The following INCENP variants were observed in gnomAD, a reference collection of about 807,000 sequenced individuals.
INCENP encodes binds and activates aurora-B and -C in vivo and in vitro.
INCENP carries 43 observed loss-of-function variants against 107.3 expected under a neutral mutation model. The ratio of observed to expected loss-of-function variants is 0.40; its 90% CI spans 0.31 to 0.52. The LOEUF (loss-of-function observed/expected upper bound fraction) is 0.52, where lower values mean the gene tolerates loss of function less well. Ranked by LOEUF, INCENP falls within the 20% of genes least tolerant of loss-of-function variation. The probability of loss-of-function intolerance (pLI) is 0.53; values close to 1 mark genes in which losing one functional copy is unlikely to be tolerated. For missense variants in INCENP, 1,089 were observed against 1,250.9 expected, an observed-to-expected ratio of 0.87 and a Z score of 1.95; for synonymous variants, 488 against 494.4, an observed-to-expected ratio of 0.99 and a Z score of 0.17.
chr11:62,131,189 G>A lies in INCENP; in HGVS notation c.1063+599G>A, dbSNP rs141794698. ...AACCAAGCTGACTCTGGAGCTGGCCGGCCTGGGTCTGAGTGCCAACTCAGC... is the reference window on the plus strand; with the variant it reads ...AACCAAGCTGACTCTGGAGCTGGCCAGCCTGGGTCTGAGTGCCAACTCAGC... On this transcript the variant is annotated intron_variant, in intron 4 of 18. Coordinates refer to ENST00000394818, the MANE Select transcript of INCENP (RefSeq NM_001040694.2). Among the ~76,000 whole-genome samples, 1,357 of 152,274 alleles carry A rather than the reference G, an allele frequency of 8.9e-3. 30 individuals are homozygous for A. The highest frequency in any genetic ancestry group is 0.031 in the African/African-American group (1,270 of 41,538).
At chr11:62,134,216 C>T (rs1943945107) in intron 4 of INCENP, among the ~76,000 whole-genome samples, 1 of 152,140 alleles carries the variant, frequency 6.6e-6, no homozygotes, top group African/African-American at 2.4e-5. Context: ...AAGCTTTTGA[C>T]AGCCTGGACA....
Position 62,124,054 on chromosome 11 carries a change from C to G in INCENP, c.-121C>G, listed in dbSNP as rs1050859449. 4 of 152,262 alleles carry G rather than the reference C, an allele frequency of 2.6e-5. No individual in the cohort carries two copies. Among genetic ancestry groups the G allele is most frequent in the African/African-American group, 9.6e-5 (4 of 41,462 alleles). The allele number at this position is 152,262 out of a possible 1,614,324, so 9.4% of individuals were successfully genotyped here. The stretch of plus-strand genomic sequence containing the variant: ...GCGCCGCCTGGTTGCTCCTCCCGTG[C>G]GGTGAGTCCCGAAGGCCCGGAGCCA... On this transcript the variant is annotated 5_prime_UTR_variant, in exon 1 of 19. Transcript: ENST00000394818.
chr11:62,149,310 T>G (rs905659652), intron 17 of INCENP, among the ~76,000 whole-genome samples: 1 of 152,254 alleles, frequency 6.6e-6, no homozygotes, highest in South Asian at 2.1e-4. Flanking sequence ...TCAACACAGG[T>G]CAATTTCTTA....
chr11:62,124,254 G>T (rs1036640019), intron 1 of INCENP, 91 bp downstream of exon 1: 3 of 152,260 alleles, frequency 2.0e-5, no homozygotes, highest in African/African-American at 2.4e-5. Context: ...GACCAGGGTC[G>T]TGACTCCCCA....
Position 62,148,858 on chromosome 11 carries a change from G to A in INCENP, c.2391+12G>A. The A allele has an allele frequency of 1.3e-6, 2 of 1,577,826 alleles. No individual in the cohort carries two copies. Among genetic ancestry groups the A allele is most frequent in the Non-Finnish European group, 1.7e-6 (2 of 1,155,334 alleles). ...CTGTGGACGTGCAGGTGCCACCTGGGCCCCAGTGGAGAGGCTCTCAGGTGG... is the reference window on the plus strand; with the variant it reads ...CTGTGGACGTGCAGGTGCCACCTGGACCCCAGTGGAGAGGCTCTCAGGTGG... On this transcript the variant is annotated intron_variant, in intron 17 of 18. Coordinates refer to ENST00000394818, the MANE Select transcript of INCENP (RefSeq NM_001040694.2).
intron 4 of INCENP, among the ~76,000 whole-genome samples, chr11:62,134,105 C>G (rs570671277): frequency 6.6e-6 from 1 of 152,240 alleles, no homozygotes; most frequent in African/African-American, 2.4e-5. Context: ...AGGAAGAAGC[C>G]GGGGACATAA....
Position 62,152,600 on chromosome 11 carries a change from G to GT in INCENP, c.*627dup, listed in dbSNP as rs1388603661. On this transcript the variant is annotated 3_prime_UTR_variant, in exon 19 of 19. Transcript: ENST00000394818. The stretch of plus-strand genomic sequence containing the variant: ...GGGTGCTCCCTGTTTGTAAAGGGGA[G>GT]TTTGTTCATTGGGAAAGACCTGGGT... 2.6e-5 allele frequency: 4 copies of GT among 152,998 alleles called. No individual in the cohort carries two copies. The highest frequency in any genetic ancestry group is 9.7e-5 in the African/African-American group (4 of 41,448). 9.5% of individuals were successfully genotyped at this position (152,998 alleles called of 1,614,324 possible). A position where few individuals can be genotyped will look rare whatever the true frequency, so the allele number is the denominator to read the frequency against.
intron 11 of INCENP, among the ~76,000 whole-genome samples, chr11:62,142,829 G>T (rs1944152971): frequency 1.3e-5 from 2 of 152,222 alleles, no homozygotes; most frequent in South Asian, 2.1e-4. Flanking sequence ...AGCCTTCGGT[G>T]TGGTAATTAG....
At chr11:62,126,203 T>TTTTTG (rs761912551) in intron 1 of INCENP, among the ~76,000 whole-genome samples, 8 of 47,266 alleles carry the variant, frequency 1.7e-4, no homozygotes, top group Non-Finnish European at 3.9e-4. Context: ...GTGCATGGTT[T>TTTTTG]TTTTTTTTTT....
chr11:62,140,580 G>A, intron 8 of INCENP, 124 bp from the exon 9 acceptor site: 3 of 824,282 alleles, frequency 3.6e-6, no homozygotes, highest in South Asian at 3.3e-5. Flanking sequence ...CTTAGGCTCT[G>A]CAGCCTCTTT....
At chr11:62,133,275 G>A (rs1378066880) in intron 4 of INCENP, among the ~76,000 whole-genome samples, 1 of 152,166 alleles carries the variant, frequency 6.6e-6, no homozygotes, top group Non-Finnish European at 1.5e-5. Flanking sequence ...TTCGGGATGG[G>A]AAGGAAACAC....
In INCENP at chr11:62,148,677, G is replaced by A. The variant is rs980236267; in HGVS notation, c.2284-62G>A. 14 of 1,436,646 alleles carry A rather than the reference G, an allele frequency of 9.7e-6. No homozygotes were observed. In the African/African-American group the frequency reaches 1.5e-4, roughly 16 times the overall value. 89.0% of individuals were successfully genotyped at this position (1,436,646 alleles called of 1,614,324 possible). On this transcript the variant is annotated intron_variant, in intron 16 of 18. Coordinates refer to ENST00000394818, the MANE Select transcript of INCENP (RefSeq NM_001040694.2). ...AGGGAGGAGAATGGAGCGGAGGGAA[G>A]GGGAGGGGAGGGAAGGGCACCTGCA... is the stretch of plus-strand genomic sequence containing the variant.
At chr11:62,131,059 G>A (rs193177933) in intron 4 of INCENP, among the ~76,000 whole-genome samples, 26 of 152,292 alleles carry the variant, frequency 1.7e-4, no homozygotes, top group African/African-American at 4.3e-4. Context: ...GGGTTTGCGC[G>A]CCGCCTATTG....
chr11:62,145,412 G>A, intron 13 of INCENP, 123 bp downstream of exon 13: 1 of 1,437,486 alleles, frequency 7.0e-7, no homozygotes, highest in Non-Finnish European at 9.5e-7. Flanking sequence ...TCTGCCCCAT[G>A]GGCCCTGGAG....
intron 17 of INCENP, among the ~76,000 whole-genome samples, chr11:62,149,507 C>T (rs912862268): frequency 6.6e-6 from 1 of 152,164 alleles, no homozygotes; most frequent in Non-Finnish European, 1.5e-5. Flanking sequence ...GTTGCAAATC[C>T]TGGAGTCTCC....
intron 1 of INCENP, among the ~76,000 whole-genome samples, chr11:62,125,172 C>A (rs897795046): frequency 2.6e-5 from 4 of 152,182 alleles, no homozygotes; most frequent in South Asian, 2.1e-4. Context: ...CTTCCAGGAG[C>A]CTGATTCTTG....
rs533158853 is a variant in INCENP at position 62,145,029 on chromosome 11, C to T, written c.1653C>T (p.Ala551=). The T allele has an allele frequency of 1.2e-5, 19 of 1,609,340 alleles. No homozygotes were observed. The highest frequency in any genetic ancestry group is 8.0e-5 in the African/African-American group (6 of 74,570). Residue 551 remains alanine (A), a synonymous_variant, in exon 12 of 19, where the codon GCC becomes GCT. Coordinates refer to ENST00000394818, the MANE Select transcript of INCENP (RefSeq NM_001040694.2). ...RLENLRRKEE[A]EQLRRQKVEE... The stretch of plus-strand genomic sequence containing the variant: ...AGAATCTGCGGCGGAAGGAGGAGGC[C>T]GAGCAGCTGCGCAGGCAGAAGGTGG...
At chr11:62,140,530 C>T (rs1590619560) in intron 8 of INCENP, among the ~76,000 whole-genome samples, 174 bp from the exon 9 acceptor site, 1 of 152,232 alleles carries the variant, frequency 6.6e-6, no homozygotes, top group Non-Finnish European at 1.5e-5. Flanking sequence ...TGACCTTGGA[C>T]TGTTCACCTC....
In INCENP at chr11:62,129,846, G is replaced by A; in HGVS notation, c.319G>A (p.Val107Ile). The A allele has an allele frequency of 1.2e-6, 2 of 1,612,996 alleles. No individual in the cohort carries two copies. The highest frequency in any genetic ancestry group is 1.7e-6 in the Non-Finnish European group (2 of 1,180,044). The change falls in exon 4 of 19, where the codon GTA (valine) becomes ATA (isoleucine). Residue 107 changes from valine (V) to isoleucine (I), a missense_variant. Val to Ile is a conservative substitution (Grantham distance 29). Coordinates refer to ENST00000394818, the MANE Select transcript of INCENP (RefSeq NM_001040694.2). ...SSRRLRSKDS[V>I]EKLATVVGEN... ...CCGACGCCTCCGCAGCAAGGACAGT[G>A]TAGAGAAGCTGGCTACAGTGGTCGG...
Sources: gnomAD v4.1 joint callset for allele counts (sites outside exome capture counted in the v4.1 genomes callset) on GRCh38, gnomAD v4.1.1 for gene constraint, MANE v1.5 for transcripts, NCBI Gene and HGNC (gene_info 2026-07-23, HGNC 2026-07-21) for gene names.